SORCS3: variants seen among roughly 807,000 people sequenced by gnomAD.
The protein encoded by SORCS3 is VPS10 domain-containing receptor SorCS3.
A neutral mutation model predicts 146.3 loss-of-function variants in SORCS3; 57 were observed. The observed-to-expected ratio is 0.39, with a 90% confidence interval of 0.31 to 0.49. The LOEUF is 0.49. Among genes scored for constraint, SORCS3 ranks in the 20% least tolerant of loss-of-function variants. SORCS3 has a pLI of 0.92. For missense variants in SORCS3, 1,341 were observed against 1,575.5 expected (o/e 0.85, Z 2.52); for synonymous variants, 653 against 618.5 (o/e 1.06, Z -0.83).
At chr10:105,013,549 G>A (rs983064886) in intron 4 of SORCS3, among the ~76,000 whole-genome samples, 1 of 152,004 alleles carries the variant, frequency 6.6e-6, no homozygotes, top group Non-Finnish European at 1.5e-5. Flanking sequence ...GCAATAATGA[G>A]TTAGAAAACA....
At chr10:104,972,032 G>A (rs545116268) in intron 3 of SORCS3, among the ~76,000 whole-genome samples, 5 of 152,156 alleles carry the variant, frequency 3.3e-5, no homozygotes, top group African/African-American at 1.2e-4. Flanking sequence ...AAGTCAGATT[G>A]CACTGGCTGG....
intron 5 of SORCS3, among the ~76,000 whole-genome samples, chr10:105,049,945 C>A (rs776687124): frequency 4.6e-5 from 7 of 151,594 alleles, no homozygotes; most frequent in Non-Finnish European, 1.0e-4. Context: ...GCACATGTAC[C>A]CATTGATTCT....
At chr10:104,897,300 T>C (rs1456049941) in intron 2 of SORCS3, among the ~76,000 whole-genome samples, 1 of 152,210 alleles carries the variant, frequency 6.6e-6, no homozygotes, top group Non-Finnish European at 1.5e-5. Flanking sequence ...AGTCATTGAC[T>C]ATTTAATACC....
chr10:105,191,385 A>G (rs1324214191), intron 14 of SORCS3, among the ~76,000 whole-genome samples: 2 of 152,212 alleles, frequency 1.3e-5, no homozygotes, highest in East Asian at 3.9e-4. Flanking sequence ...GGAATAACCT[A>G]CCAAGAAAAT....
chr10:104,883,078 T>A (rs2018646955), intron 2 of SORCS3, among the ~76,000 whole-genome samples: 1 of 152,158 alleles, frequency 6.6e-6, no homozygotes, highest in African/African-American at 2.4e-5. Context: ...TCATTTTTTT[T>A]ATTCCAGAGC....
chr10:104,924,234 A>T (rs2019116443), intron 3 of SORCS3, among the ~76,000 whole-genome samples: 1 of 152,168 alleles, frequency 6.6e-6, no homozygotes, highest in African/African-American at 2.4e-5. Flanking sequence ...GACTTGTCTG[A>T]GGTCATAGAG....
At position 105,159,006 on chromosome 10, in the gene SORCS3, A is replaced by G; in HGVS notation, c.1732+12A>G. On this transcript the variant is annotated intron_variant, in intron 11 of 26. Transcript: ENST00000369701. ...TGTGGTGGCTACAGGTAAGAAAAAC[A>G]TTCCCTGTGCTTCTTCCTTACTGAG... 6.4e-7 allele frequency: 1 copy of G among 1,567,972 alleles called. No individual in the cohort carries two copies.
intron 1 of SORCS3, among the ~76,000 whole-genome samples, chr10:104,707,144 G>T (rs575860359): frequency 6.6e-6 from 1 of 152,152 alleles, no homozygotes; most frequent in Admixed American, 6.5e-5. Flanking sequence ...CTGATGTAGT[G>T]GCTAAGAGCA....
intron 14 of SORCS3, among the ~76,000 whole-genome samples, chr10:105,195,602 G>A (rs2056539370): frequency 6.6e-6 from 1 of 152,176 alleles, no homozygotes; most frequent in Admixed American, 6.5e-5. Context: ...AATCAGAAGA[G>A]CAATGAATTA....
At chr10:105,144,672 C>G (rs552101727) in intron 8 of SORCS3, among the ~76,000 whole-genome samples, 43 of 152,188 alleles carry the variant, frequency 2.8e-4, no homozygotes, top group Admixed American at 1.3e-3. Context: ...AAGTCCCAGT[C>G]TAAATTTACT....
At chr10:104,937,322 T>G (rs2019270270) in intron 3 of SORCS3, among the ~76,000 whole-genome samples, 1 of 152,200 alleles carries the variant, frequency 6.6e-6, no homozygotes, top group African/African-American at 2.4e-5. Context: ...GTTTGCCACG[T>G]GGATCAATGG....
chr10:104,890,821 G>A lies in SORCS3; in HGVS notation c.696-25012G>A, dbSNP rs546148800. On this transcript the variant is annotated intron_variant, in intron 2 of 26. Coordinates refer to ENST00000369701, the MANE Select transcript of SORCS3 (RefSeq NM_014978.3). ...AAATGCCAGTCCCATCTTCAGTCACGACAATTAAACATTTCTCCAGATATT... is the reference window on the plus strand; with the variant it reads ...AAATGCCAGTCCCATCTTCAGTCACAACAATTAAACATTTCTCCAGATATT... Among the ~76,000 whole-genome samples, 8 of 152,226 alleles carry A rather than the reference G, an allele frequency of 5.3e-5. No homozygotes were observed. The East Asian group carries it at 1.2e-3, about 22-fold the overall frequency.
At chr10:104,997,993 A>G (rs2055037623) in intron 4 of SORCS3, among the ~76,000 whole-genome samples, 2 of 152,180 alleles carry the variant, frequency 1.3e-5, no homozygotes, top group South Asian at 4.1e-4. Flanking sequence ...AGAATGGGAA[A>G]GGCAGAATGC....
At chr10:104,672,225 A>G (rs1050836972) in intron 1 of SORCS3, among the ~76,000 whole-genome samples, 2 of 152,072 alleles carry the variant, frequency 1.3e-5, no homozygotes, top group Non-Finnish European at 2.9e-5. Flanking sequence ...GAATTTGTCC[A>G]TTTTATCTAA....
rs1388743660 is a variant in SORCS3, at chr10:104,641,842, G to A, written c.515G>A (p.Arg172Gln). The A allele has an allele frequency of 6.4e-6, 10 of 1,566,542 alleles. No homozygotes were observed. Among genetic ancestry groups the A allele is most frequent in the South Asian group, 2.3e-5 (2 of 85,396 alleles). ...TCCCGGGAGGAGGTGAAGGCGCCGC[G>A]GGCTGGGGGGTCGGCGGCTGAAGAC... is the stretch of plus-strand genomic sequence containing the variant. ...KGSREEVKAP[R>Q]AGGSAAEDLR... The change falls in exon 1 of 27, where the codon CGG (arginine) becomes CAG (glutamine). Residue 172 changes from arginine (R) to glutamine (Q), a missense_variant. By Grantham distance (43) the Arg-to-Gln change is conservative. Transcript: ENST00000369701. The surrounding 1 kb of genome is among the most constrained non-coding windows in gnomAD (Gnocchi z 6.4).
chr10:104,958,556 A>C (rs141886028), intron 3 of SORCS3, among the ~76,000 whole-genome samples: 102 of 152,228 alleles, frequency 6.7e-4, no homozygotes, highest in African/African-American at 2.5e-3. Context: ...AACCAGAGTG[A>C]TGTGGTATGA....
At chr10:105,221,809 AT>A (rs925169334) in intron 19 of SORCS3, among the ~76,000 whole-genome samples, 1 of 152,134 alleles carries the variant, frequency 6.6e-6, no homozygotes, top group Non-Finnish European at 1.5e-5. Context: ...TTCTTATCAA[AT>A]TGATGATGGT....
chr10:105,059,350 A>G (rs539811520), intron 5 of SORCS3, among the ~76,000 whole-genome samples: 1 of 152,342 alleles, frequency 6.6e-6, no homozygotes, highest in African/African-American at 2.4e-5. Context: ...TGTGCTTTGC[A>G]GGCTGCAAAG....
chr10:104,789,474 A>G (rs2017472840), intron 1 of SORCS3, among the ~76,000 whole-genome samples: 1 of 152,116 alleles, frequency 6.6e-6, no homozygotes, highest in African/African-American at 2.4e-5. Flanking sequence ...GGATTTATTC[A>G]TCTCTCCACT....
Sources: gnomAD v4.1 joint callset for allele counts (sites outside exome capture counted in the v4.1 genomes callset) on GRCh38, gnomAD v4.1.1 for gene constraint, Gnocchi (gnomAD v3.1) non-coding constraint, MANE v1.5 for transcripts, NCBI Gene and HGNC (gene_info 2026-07-23, HGNC 2026-07-21) for gene names.